SLC7A5: variants seen among roughly 807,000 people sequenced by gnomAD.
SLC7A5 encodes the protein solute carrier family 7 member 5.
In SLC7A5, 23 loss-of-function variants were observed where a neutral mutation model predicts 50.2. The ratio of observed to expected loss-of-function variants is 0.46; its 90% CI spans 0.33 to 0.65. SLC7A5 has a LOEUF of 0.65. Ranked by LOEUF, SLC7A5 falls within the 30% of genes least tolerant of loss-of-function variation. The pLI, the probability that SLC7A5 is intolerant of heterozygous loss-of-function variation, is 0.02. For missense variants in SLC7A5, 578 were observed against 684.4 expected (o/e 0.84, Z 1.73); for synonymous variants, 393 against 330.6 (o/e 1.19, Z -2.05).
intron 2 of SLC7A5, among the ~76,000 whole-genome samples, chr16:87,850,606 C>T (rs2055209899): frequency 6.6e-6 from 1 of 152,214 alleles, no homozygotes; most frequent in Admixed American, 6.5e-5. Flanking sequence ...GAGGCCAGCT[C>T]CTAACTGCTC....
intron 7 of SLC7A5, chr16:87,837,632 A>C: frequency 3.6e-6 from 2 of 557,976 alleles, no homozygotes; most frequent in Non-Finnish European, 6.4e-6. Flanking sequence ...GATGGTCTGA[A>C]TCGTTTGTGG....
intron 1 of SLC7A5, among the ~76,000 whole-genome samples, chr16:87,856,767 A>G (rs2055327028): frequency 6.6e-6 from 1 of 152,194 alleles, no homozygotes; most frequent in African/African-American, 2.4e-5. Flanking sequence ...TGCTCTGAGT[A>G]CAAGCCTCCA....
At chr16:87,866,590 C>A (rs911172993) in intron 1 of SLC7A5, among the ~76,000 whole-genome samples, 5 of 152,062 alleles carry the variant, frequency 3.3e-5, no homozygotes, top group Non-Finnish European at 4.4e-5. Flanking sequence ...CTCAGCCTCC[C>A]GAGTAGCTGG....
rs979630735 is a variant in SLC7A5, at chr16:87,830,673, C to T, written c.*2297G>A. Reference sequence around the variant, plus strand: ...CCACCAACCTTCTGCGGAGGAGCTCCCACCCCAGCTCAGACGCCCAGAAGA... The same window carrying T: ...CCACCAACCTTCTGCGGAGGAGCTCTCACCCCAGCTCAGACGCCCAGAAGA... On this transcript the variant is annotated 3_prime_UTR_variant, in exon 10 of 10. Coordinates refer to ENST00000261622, the MANE Select transcript of SLC7A5 (RefSeq NM_003486.7). 4 of 152,330 alleles carry T rather than the reference C, an allele frequency of 2.6e-5. No homozygotes were observed. The highest frequency in any genetic ancestry group is 6.5e-5 in the Admixed American group (1 of 15,284). The allele number at this position is 152,330 out of a possible 1,614,324, so 9.4% of individuals were successfully genotyped here.
chr16:87,839,178 G>C (rs1443155526), intron 5 of SLC7A5, among the ~76,000 whole-genome samples: 2 of 152,214 alleles, frequency 1.3e-5, no homozygotes, highest in African/African-American at 4.8e-5. Context: ...AGCTTGTTCA[G>C]TAGGAAGCTG....
chr16:87,840,729 C>T (rs911019373), intron 3 of SLC7A5, among the ~76,000 whole-genome samples: 6 of 152,196 alleles, frequency 3.9e-5, no homozygotes, highest in South Asian at 2.1e-4. Context: ...CTGTGAGGCC[C>T]GCCTGAGCGC....
chr16:87,849,853 A>T lies in SLC7A5; in HGVS notation c.664+1871T>A, dbSNP rs191770275. 7.9e-3 allele frequency among the ~76,000 whole-genome samples: 1,198 copies of T among 152,088 alleles called. 8 individuals are homozygous for T. Among genetic ancestry groups the T allele is most frequent in the Non-Finnish European group, 0.013 (894 of 67,960 alleles). On this transcript the variant is annotated intron_variant, in intron 2 of 9. Transcript: ENST00000261622. The stretch of plus-strand genomic sequence containing the variant: ...CCCTGGTCAGACACATGCATGGGGG[A>T]TGGGCTCGAGCTCCTGAAGGATTGA...
chr16:87,859,015 T>G (rs2055355223), intron 1 of SLC7A5, among the ~76,000 whole-genome samples: 1 of 152,228 alleles, frequency 6.6e-6, no homozygotes, highest in Non-Finnish European at 1.5e-5. Flanking sequence ...GCTGCACAAG[T>G]GCTCCAGGGG....
chr16:87,831,667 G>GGGA lies in SLC7A5; in HGVS notation c.*1302_*1303insTCC, dbSNP rs397811145. ...CCGAGCTCAGGAGGGATCCTGCGGG[G>GGGA]TCTTCTTGTTCTGGGGGTCCCTGGC... On this transcript the variant is annotated 3_prime_UTR_variant, in exon 10 of 10. Transcript: ENST00000261622. 6.6e-6 allele frequency: 1 copy of GGGA among 152,080 alleles called. No homozygotes were observed. The highest frequency in any genetic ancestry group is 2.4e-5 in the African/African-American group (1 of 41,386). 9.4% of individuals were successfully genotyped at this position (152,080 alleles called of 1,614,324 possible).
In SLC7A5 at chr16:87,853,653, T is replaced by G. The variant is rs1473725675; in HGVS notation, c.539-1804A>C. On this transcript the variant is annotated intron_variant, in intron 1 of 9. Coordinates refer to ENST00000261622, the MANE Select transcript of SLC7A5 (RefSeq NM_003486.7). This position sits in a 1 kb window ranked among gnomAD's most constrained non-coding sequence, Gnocchi z 4.4. ...GCTTGCCAGTCCCATTTCCTTATGG[T>G]TGGGGGGAGCACGACCATAAAAGAA... Among the ~76,000 whole-genome samples, 3 of 151,916 alleles carry G rather than the reference T, an allele frequency of 2.0e-5. No homozygotes were observed. Among genetic ancestry groups the G allele is most frequent in the African/African-American group, 7.3e-5 (3 of 41,298 alleles).
At chr16:87,844,288 C>A (rs1372838174) in intron 2 of SLC7A5, among the ~76,000 whole-genome samples, 3 of 152,118 alleles carry the variant, frequency 2.0e-5, no homozygotes, top group African/African-American at 7.2e-5. Flanking sequence ...GCAAACGCCG[C>A]GGCGACCCCG....
intron 2 of SLC7A5, among the ~76,000 whole-genome samples, chr16:87,847,619 G>C (rs140874863): frequency 3.0e-4 from 45 of 152,286 alleles, no homozygotes; most frequent in Middle Eastern, 3.4e-3. Context: ...AACCTCCCAA[G>C]AGCAGATGGG....
Position 87,839,829 on chromosome 16 carries a change from G to C in SLC7A5, c.816-4C>G. ...GATGATGGCCAGGGGCAGGTTTCTG[G>C]AAAGAACAGGGACGACATGTCACCC... On this transcript the variant is annotated splice_polypyrimidine_tract_variant and splice_region_variant and intron_variant, in intron 4 of 9. Transcript: ENST00000261622. The C allele has an allele frequency of 6.2e-7, 1 of 1,613,690 alleles. No individual in the cohort carries two copies. Among genetic ancestry groups the C allele is most frequent in the Non-Finnish European group, 8.5e-7 (1 of 1,179,946 alleles).
In SLC7A5 at chr16:87,869,237, G is replaced by C. The variant is rs769927803; in HGVS notation, c.186C>G (p.Thr62=). The change falls in exon 1 of 10, where the codon ACC becomes ACG. Residue 62 remains threonine, a synonymous_variant. Transcript: ENST00000261622. ...LLNGVAIIVG[T]IIGSGIFVTP... is the part of the protein sequence containing the mutation. ...TCACGAAGATGCCCGAGCCGATAAT[G>C]GTCCCCACGATGATGGCCACGCCGT... The C allele has an allele frequency of 8.1e-6, 13 of 1,612,814 alleles. No homozygotes were observed. In the South Asian group the frequency reaches 1.1e-4, roughly 14 times the overall value.
At chr16:87,839,634 G>A (rs533164490) in intron 5 of SLC7A5, 68 bp downstream of exon 5, 152 of 1,606,270 alleles carry the variant, frequency 9.5e-5, no homozygotes, top group South Asian at 1.2e-4. Context: ...GCACCACTCC[G>A]GTCTGGAAGG....
At chr16:87,848,401 C>T (rs749292118) in intron 2 of SLC7A5, among the ~76,000 whole-genome samples, 3 of 152,232 alleles carry the variant, frequency 2.0e-5, no homozygotes, top group Admixed American at 1.3e-4. Context: ...GCCCTGCAGG[C>T]GAAGGCCCAG....
chr16:87,838,478 A>C (rs2055040652), intron 6 of SLC7A5, among the ~76,000 whole-genome samples: 1 of 152,050 alleles, frequency 6.6e-6, no homozygotes, highest in African/African-American at 2.4e-5. Flanking sequence ...ATTTTTGTAG[A>C]AACGGGGTTT....
In SLC7A5 at chr16:87,860,724, A is replaced by C. The variant is rs1047217294; in HGVS notation, c.538+8161T>G. 6.6e-6 allele frequency among the ~76,000 whole-genome samples: 1 copy of C among 152,126 alleles called. No homozygotes were observed. Among genetic ancestry groups the C allele is most frequent in the Non-Finnish European group, 1.5e-5 (1 of 68,012 alleles). On this transcript the variant is annotated intron_variant, in intron 1 of 9. Transcript: ENST00000261622. This position sits in a 1 kb window ranked among gnomAD's most constrained non-coding sequence, Gnocchi z 4.8. ...TCTCAGTAGTGACAGATGCTGGCCCACCCCGAGGTCAGGATGACTCAGCAG... is the reference window on the plus strand; with the variant it reads ...TCTCAGTAGTGACAGATGCTGGCCCCCCCCGAGGTCAGGATGACTCAGCAG...
At chr16:87,864,926 T>C (rs1473317982) in intron 1 of SLC7A5, among the ~76,000 whole-genome samples, 1 of 152,156 alleles carries the variant, frequency 6.6e-6, no homozygotes, top group African/African-American at 2.4e-5. Context: ...TTTATTTGTT[T>C]AATTAAAGGT....
Sources: gnomAD v4.1 joint callset for allele counts (sites outside exome capture counted in the v4.1 genomes callset) on GRCh38, gnomAD v4.1.1 for gene constraint, Gnocchi (gnomAD v3.1) non-coding constraint, MANE v1.5 for transcripts, NCBI Gene and HGNC (gene_info 2026-07-23, HGNC 2026-07-21) for gene names.